ZNF705G: variants seen among roughly 807,000 people sequenced by gnomAD.
ZNF705G encodes putative zinc finger protein 705G.
In ZNF705G, 23 loss-of-function variants were observed where a neutral mutation model predicts 19.6. The ratio of observed to expected loss-of-function variants is 1.17; its 90% CI spans 0.84 to 1.66. The LOEUF is 1.66. Ranked by LOEUF, ZNF705G falls within the 40% of genes most tolerant of loss-of-function variation. The pLI is 0.00. For synonymous variants in ZNF705G, 146 were observed against 117.7 expected, an observed-to-expected ratio of 1.24 and a Z score of -1.56; for missense variants, 457 against 354.4, an observed-to-expected ratio of 1.29 and a Z score of -2.32.
intron 2 of ZNF705G, among the ~76,000 whole-genome samples, chr8:7,368,666 C>T (rs1184706837): frequency 1.3e-5 from 2 of 149,754 alleles, no homozygotes; most frequent in Non-Finnish European, 2.9e-5. Context: ...GCCTCAAAGA[C>T]ATTTTAGAGA....
rs190910116 is a variant in ZNF705G, at chr8:7,362,222, A to C, written c.12+713T>G. Among the ~76,000 whole-genome samples the C allele has an allele frequency of 2.5e-3, 372 of 149,738 alleles. 39 individuals are homozygous for C. Among genetic ancestry groups the C allele is most frequent in the Middle Eastern group, 0.01 (3 of 292 alleles). ...TTCCTTCTTCTGAGTGTGCAACCAT[A>C]ATTAAATAATTATATTTCTTATATG... On this transcript the variant is annotated intron_variant, in intron 3 of 6. Transcript: ENST00000400156.
At position 7,358,010 on chromosome 8, in the gene ZNF705G, C is replaced by T. The variant is rs759363100; in HGVS notation, c.869G>A (p.Gly290Glu). The change falls in exon 7 of 7, where the codon GGG becomes GAG. Residue 290 changes from glycine (G) to glutamate (E), a missense_variant. Coordinates refer to ENST00000400156, the MANE Select transcript of ZNF705G (RefSeq NM_001164457.3). ...GEKPHACLLC[G>E]KAFSLSSNLR ...GTTGGAAGACAGACTGAAGGCCTTC[C>T]CACATAGAAGACAAGCATGTGGTTT... The T allele has an allele frequency of 3.4e-5, 55 of 1,608,918 alleles. No individual in the cohort carries two copies. The South Asian group carries it at 5.7e-4, about 17-fold the overall frequency.
At chr8:7,366,123 A>G (rs1171950494) in intron 2 of ZNF705G, among the ~76,000 whole-genome samples, 2 of 148,746 alleles carry the variant, frequency 1.3e-5, no homozygotes, top group East Asian at 1.9e-4. Context: ...TATGAAACCA[A>G]AACGAATATA....
chr8:7,365,509 G>T (rs147452682), intron 2 of ZNF705G, among the ~76,000 whole-genome samples: 2,249 of 148,376 alleles, frequency 0.015, 41 homozygotes, highest in South Asian at 0.033. Context: ...CTCCTGAGTA[G>T]CTGGGATGAC....
chr8:7,361,238 T>A lies in ZNF705G; in HGVS notation c.13-2A>T, dbSNP rs769012557. On this transcript the variant is annotated splice_acceptor_variant, in intron 3 of 6. Transcript: ENST00000400156. LOFTEE classifies it high-confidence loss of function. ...TACATCTTCAAAAGTCAGTTTCTTCTAAAACATCACAGACATTTTAGTTTA... is the reference window on the plus strand; with the variant it reads ...TACATCTTCAAAAGTCAGTTTCTTCAAAAACATCACAGACATTTTAGTTTA... 3 of 1,592,562 alleles carry A rather than the reference T, an allele frequency of 1.9e-6. No individual in the cohort carries two copies. Among genetic ancestry groups the A allele is most frequent in the East Asian group, 4.5e-5 (2 of 44,860 alleles).
rs551070453 is a variant in ZNF705G at position 7,380,753 on chromosome 8, C to T, written c.-72+699G>A. 4.1e-5 allele frequency among the ~76,000 whole-genome samples: 6 copies of T among 146,882 alleles called. 1 individual carries two copies. The East Asian group carries it at 1.2e-3, about 28-fold the overall frequency. On this transcript the variant is annotated intron_variant, in intron 2 of 6. Coordinates refer to ENST00000400156, the MANE Select transcript of ZNF705G (RefSeq NM_001164457.3). ...GCTGGCACTTGAGAAAGCCACCTGA[C>T]TCACGCCTGTAATCCTAGCACTTTG...
At chr8:7,364,021 A>C (rs1806731576) in intron 2 of ZNF705G, among the ~76,000 whole-genome samples, 1 of 149,496 alleles carries the variant, frequency 6.7e-6, no homozygotes, top group African/African-American at 2.6e-5. Context: ...AAAATGACTT[A>C]GGAGAGGGAG....
intron 1 of ZNF705G, among the ~76,000 whole-genome samples, chr8:7,384,275 C>A (rs1807633087): frequency 6.9e-6 from 1 of 143,940 alleles, no homozygotes; most frequent in Non-Finnish European, 1.5e-5. Context: ...ATAGTGTCAA[C>A]CTCCTACTGT....
intron 2 of ZNF705G, among the ~76,000 whole-genome samples, 169 bp from the exon 3 acceptor site, chr8:7,363,186 A>G (rs2740667): frequency 6.7e-6 from 1 of 149,298 alleles, no homozygotes; most frequent in Non-Finnish European, 1.5e-5. Flanking sequence ...GTCAAAATTA[A>G]GAAGCCTATG....
intron 2 of ZNF705G, among the ~76,000 whole-genome samples, chr8:7,371,568 A>G (rs1807100868): frequency 9.7e-6 from 1 of 102,980 alleles, no homozygotes; most frequent in Non-Finnish European, 2.1e-5. Context: ...TTCATGGTGT[A>G]TACTTATCCC....
In ZNF705G at chr8:7,357,032, TG is replaced by T. The variant is rs1391147799; in HGVS notation, c.*943del. ...CCAACTTCTTGACTCACTTTTCTGA[TG>T]AGAAATCTATCAGGTTTCTCCACAG... On this transcript the variant is annotated 3_prime_UTR_variant, in exon 7 of 7. Transcript: ENST00000400156. 6.7e-6 allele frequency: 1 copy of T among 149,964 alleles called. No individual in the cohort carries two copies. Among genetic ancestry groups the T allele is most frequent in the East Asian group, 1.9e-4 (1 of 5,200 alleles). 9.3% of individuals were successfully genotyped at this position (149,964 alleles called of 1,614,324 possible). A position where few individuals can be genotyped will look rare whatever the true frequency, so the allele number is the denominator to read the frequency against.
At chr8:7,363,270 T>C (rs1196850802) in intron 2 of ZNF705G, among the ~76,000 whole-genome samples, 5 of 148,218 alleles carry the variant, frequency 3.4e-5, no homozygotes, top group African/African-American at 1.3e-4. Flanking sequence ...GTTTTGTATG[T>C]TAATTGGCAC....
intron 2 of ZNF705G, among the ~76,000 whole-genome samples, chr8:7,363,424 T>A (rs1272017154): frequency 6.7e-6 from 1 of 148,818 alleles, no homozygotes; most frequent in Non-Finnish European, 1.5e-5. Flanking sequence ...TAGCAACGTT[T>A]CTCCAACACC....
chr8:7,357,593 T>A lies in ZNF705G; in HGVS notation c.*383A>T. 3.2e-6 allele frequency: 1 copy of A among 310,932 alleles called. No homozygotes were observed. The highest frequency in any genetic ancestry group is 5.7e-6 in the Non-Finnish European group (1 of 175,734). 19.3% of individuals were successfully genotyped at this position (310,932 alleles called of 1,614,324 possible). Reference sequence around the variant, plus strand: ...AGTTGATTATATTGACAGTTTCAGCTCTCTCATGTCACTTATGCTCAGATC... The same window carrying A: ...AGTTGATTATATTGACAGTTTCAGCACTCTCATGTCACTTATGCTCAGATC... On this transcript the variant is annotated 3_prime_UTR_variant, in exon 7 of 7. Coordinates refer to ENST00000400156, the MANE Select transcript of ZNF705G (RefSeq NM_001164457.3).
chr8:7,385,330 G>C (rs1298287601), intron 1 of ZNF705G, among the ~76,000 whole-genome samples, 168 bp downstream of exon 1: 2 of 148,662 alleles, frequency 1.3e-5, no homozygotes, highest in Admixed American at 6.6e-5. Flanking sequence ...AATAATGATG[G>C]TGATAATACT....
At chr8:7,359,438 G>A (rs1381672872) in intron 6 of ZNF705G, among the ~76,000 whole-genome samples, 181 bp downstream of exon 6, 3 of 149,534 alleles carry the variant, frequency 2.0e-5, no homozygotes, top group African/African-American at 7.7e-5. Flanking sequence ...GAGATCTCAT[G>A]TTATGGTTTA....
rs1806293079 is a variant in ZNF705G, at chr8:7,356,846, T to C, written c.*1130A>G. On this transcript the variant is annotated 3_prime_UTR_variant, in exon 7 of 7. Transcript: ENST00000400156. ...TTCAATATTTGTAAGTATTGATCTT[T>C]TGGAAAAGTTTAATGAGATTTCTTA... 6.7e-6 allele frequency: 1 copy of C among 150,030 alleles called. No homozygotes were observed. The highest frequency in any genetic ancestry group is 1.5e-5 in the Non-Finnish European group (1 of 68,032). The allele number at this position is 150,030 out of a possible 1,614,324, so 9.3% of individuals were successfully genotyped here.
intron 1 of ZNF705G, among the ~76,000 whole-genome samples, chr8:7,383,053 T>A (rs1297796347): frequency 6.7e-6 from 1 of 148,762 alleles, no homozygotes; most frequent in Non-Finnish European, 1.5e-5. Flanking sequence ...CCACCCATTT[T>A]AGAAGCTAAA....
At position 7,383,866 on chromosome 8, in the gene ZNF705G, AC is replaced by A. The variant is rs1190345239; in HGVS notation, c.-222+1631del. Among the ~76,000 whole-genome samples the A allele has an allele frequency of 2.5e-3, 367 of 145,358 alleles. 11 individuals are homozygous for A. Among genetic ancestry groups the A allele is most frequent in the African/African-American group, 9.9e-3 (353 of 35,562 alleles). On this transcript the variant is annotated intron_variant, in intron 1 of 6. Transcript: ENST00000400156. Reference sequence around the variant, plus strand: ...AGTAAACTTCTGCTCTTTATAAGCCACCCTGTTTATATTACTTTTTAATAGC... The same window carrying A: ...AGTAAACTTCTGCTCTTTATAAGCCACCTGTTTATATTACTTTTTAATAGC...
Sources: allele counts gnomAD v4.1 joint callset (sites outside exome capture counted in the v4.1 genomes callset), GRCh38; gene constraint gnomAD v4.1.1; transcripts MANE v1.5; gene names NCBI Gene and HGNC (gene_info 2026-07-23, HGNC 2026-07-21).